Variants in ANKAR observed in about 807,000 individuals in gnomAD.
ANKAR encodes the protein ankyrin and armadillo repeat containing.
Under a neutral mutation model 146.2 loss-of-function variants are expected in ANKAR, and 136 were observed. That is an observed-to-expected ratio of 0.93 (90% CI 0.81 to 1.07). The LOEUF (loss-of-function observed/expected upper bound fraction) is 1.07, where lower values mean the gene tolerates loss of function less well. ANKAR is among the 50% of genes least tolerant of loss of function. The pLI, the probability that ANKAR is intolerant of heterozygous loss-of-function variation, is 0.00. For missense variants in ANKAR, 1,567 were observed against 1,679.9 expected, an observed-to-expected ratio of 0.93 and a Z score of 1.18; for synonymous variants, 500 against 575.8, an observed-to-expected ratio of 0.87 and a Z score of 1.88.
At chr2:189,717,958 G>A (rs933841157) in intron 10 of ANKAR, among the ~76,000 whole-genome samples, 2 of 151,970 alleles carry the variant, frequency 1.3e-5, no homozygotes, top group African/African-American at 4.8e-5. Flanking sequence ...GCAGGGGGAG[G>A]GACAGCATTA....
At chr2:189,689,994 A>G (rs1293533270) in intron 3 of ANKAR, 30 bp downstream of exon 3, 7 of 1,415,230 alleles carry the variant, frequency 4.9e-6, no homozygotes, top group Middle Eastern at 4.6e-4. Flanking sequence ...TCAAATATAA[A>G]ATATAGGTAT....
chr2:189,701,984 TCA>T (rs1413181299), intron 7 of ANKAR, among the ~76,000 whole-genome samples: 1 of 152,156 alleles, frequency 6.6e-6, no homozygotes, highest in African/African-American at 2.4e-5. Flanking sequence ...TGATTATATC[TCA>T]GTCTCTTGGT....
Position 189,692,313 on chromosome 2 carries a change from A to G in ANKAR, c.1098A>G (p.Lys366=). ...CATTTATTTATGGAAGAGATTTTAA[A>G]TGCCAGAATTTTCACTACAAAGAGA... ...LPPFIYGRDF[K]CQNFHYKENQ... The change falls in exon 4 of 23, where the codon AAA becomes AAG. Residue 366 remains lysine (K), a synonymous_variant. Transcript: ENST00000684021. 6.2e-7 allele frequency: 1 copy of G among 1,613,646 alleles called. No individual in the cohort carries two copies. Among genetic ancestry groups the G allele is most frequent in the African/African-American group, 1.3e-5 (1 of 75,036 alleles).
chr2:189,697,554 A>C (rs1344955714), intron 7 of ANKAR, among the ~76,000 whole-genome samples: 1 of 152,182 alleles, frequency 6.6e-6, no homozygotes, highest in East Asian at 1.9e-4. Context: ...TTTGATATTC[A>C]GATTCTTCTG....
chr2:189,723,567 T>C (rs929935446), intron 12 of ANKAR, among the ~76,000 whole-genome samples: 11 of 152,140 alleles, frequency 7.2e-5, no homozygotes, highest in Non-Finnish European at 1.5e-4. Flanking sequence ...TCTGCAGAAA[T>C]TGATTTTCTC....
chr2:189,689,539 T>A lies in ANKAR; in HGVS notation c.614T>A (p.Ile205Asn), dbSNP rs769330346. 1 of 1,576,404 alleles carries A rather than the reference T, an allele frequency of 6.3e-7. No individual in the cohort carries two copies. Among genetic ancestry groups the A allele is most frequent in the Non-Finnish European group, 8.6e-7 (1 of 1,165,374 alleles). Residue 205 changes from isoleucine (I) to asparagine (N), a missense_variant, in exon 3 of 23, where the codon ATT becomes AAT. Transcript: ENST00000684021. ...SEFSSAGLTD[I>N]TKDPDFNEIY... ...TTTTATCATGAAGGTTTGACTGATA[T>A]TACAAAGGATCCAGACTTTAATGAA...
intron 16 of ANKAR, among the ~76,000 whole-genome samples, chr2:189,732,821 C>G (rs1313789722): frequency 6.6e-6 from 1 of 151,952 alleles, no homozygotes; most frequent in African/African-American, 2.4e-5. Flanking sequence ...TAGGATAATA[C>G]CTCCTTACAT....
rs777201322 is a variant in ANKAR, at chr2:189,696,236, A to C, written c.1575A>C (p.Thr525=). The C allele has an allele frequency of 3.1e-6, 5 of 1,614,152 alleles. No individual in the cohort carries two copies. In the South Asian group the frequency reaches 5.5e-5, roughly 18 times the overall value. ...TTAGCCGTAAAACCTCAAGCTCAAC[A>C]ATCAATGTTTCAGATGAAGCAGGTT... ...HTFSRKTSSS[T]INVSDEAGYT... is the part of the protein sequence containing the mutation. Residue 525 remains threonine (T), a synonymous_variant, in exon 7 of 23, where the codon ACA becomes ACC. Coordinates refer to ENST00000684021, the MANE Select transcript of ANKAR (RefSeq NM_001378068.1).
At chr2:189,729,455 T>C (rs1185773690) in intron 15 of ANKAR, among the ~76,000 whole-genome samples, 1 of 152,198 alleles carries the variant, frequency 6.6e-6, no homozygotes, top group Non-Finnish European at 1.5e-5. Context: ...GAATTGATTC[T>C]CACATTTTTT....
chr2:189,713,211 G>T (rs942081170), intron 10 of ANKAR, among the ~76,000 whole-genome samples: 5 of 152,122 alleles, frequency 3.3e-5, no homozygotes, highest in African/African-American at 1.2e-4. Flanking sequence ...TATTATCCAG[G>T]AGAACTTCCC....
intron 2 of ANKAR, among the ~76,000 whole-genome samples, chr2:189,681,947 A>G (rs1263709214): frequency 2.0e-5 from 3 of 152,258 alleles, no homozygotes; most frequent in Non-Finnish European, 2.9e-5. Context: ...ACTGTAGTAC[A>G]GAACACCCTT....
chr2:189,755,451 C>T (rs1426780037), intron 18 of ANKAR: 1 of 1,606,366 alleles, frequency 6.2e-7, no homozygotes, highest in Admixed American at 1.8e-5. Flanking sequence ...GTTGCAATTG[C>T]TGAGAGGTCA....
In ANKAR at chr2:189,678,733, A is replaced by G. The variant is rs532354993; in HGVS notation, c.601+1642A>G. Among the ~76,000 whole-genome samples the G allele has an allele frequency of 7.9e-5, 12 of 152,298 alleles. No individual in the cohort carries two copies. In the South Asian group the frequency reaches 8.3e-4, roughly 11 times the overall value. On this transcript the variant is annotated intron_variant, in intron 2 of 22. Transcript: ENST00000684021. ...TTGCTTTGTCAAAGATCAGTTGCCC[A>G]TAAGTACTTGGTTTTATTTCCGCGT... is the stretch of plus-strand genomic sequence containing the variant.
At chr2:189,736,062 A>C (rs902229235) in intron 17 of ANKAR, among the ~76,000 whole-genome samples, 1 of 152,212 alleles carries the variant, frequency 6.6e-6, no homozygotes, top group African/African-American at 2.4e-5. Flanking sequence ...AAAAGTATGG[A>C]AACACATGTC....
At chr2:189,755,223 G>A (rs201374425) in intron 18 of ANKAR, 10 of 1,612,056 alleles carry the variant, frequency 6.2e-6, no homozygotes, top group Admixed American at 1.7e-5. Context: ...CCAAGAAGCA[G>A]AAAATCTGAA....
chr2:189,760,674 C>G (rs946385613), intron 18 of ANKAR, among the ~76,000 whole-genome samples: 1 of 148,310 alleles, frequency 6.7e-6, no homozygotes, highest in Non-Finnish European at 1.5e-5. Context: ...GCCTGTAATC[C>G]CAGCTACTTG....
At chr2:189,755,147 G>A in intron 18 of ANKAR, 1 of 1,589,542 alleles carries the variant, frequency 6.3e-7, no homozygotes, top group Non-Finnish European at 8.5e-7. Context: ...TAACAAAAAA[G>A]AATGGAGAAA....
Position 189,746,385 on chromosome 2 carries a change from G to C in ANKAR, c.4063G>C (p.Glu1355Gln). 2.5e-6 allele frequency: 4 copies of C among 1,603,608 alleles called. No individual in the cohort carries two copies. Among genetic ancestry groups the C allele is most frequent in the Non-Finnish European group, 3.4e-6 (4 of 1,177,044 alleles). ...SIIPIFKRGK[E>Q]HRRKLKPKIQ... ...TAATTGTGGCTAATTTTTAGGGAAG[G>C]AGCACCGAAGAAAATTAAAACCTAA... Residue 1355 changes from glutamate to glutamine, a missense_variant, in exon 23 of 23, where the codon GAG (glutamate) becomes CAG (glutamine). Physicochemically the swap from Glu to Gln is conservative, Grantham distance 29. Coordinates refer to ENST00000684021, the MANE Select transcript of ANKAR (RefSeq NM_001378068.1).
chr2:189,710,434 C>A (rs1217997940), intron 9 of ANKAR, among the ~76,000 whole-genome samples: 1 of 151,952 alleles, frequency 6.6e-6, no homozygotes, highest in African/African-American at 2.4e-5. Context: ...TAATTTTAGC[C>A]GAGGGAGTTG....
Sources: gnomAD v4.1 joint callset for allele counts (sites outside exome capture counted in the v4.1 genomes callset) on GRCh38, gnomAD v4.1.1 for gene constraint, MANE v1.5 for transcripts, NCBI Gene and HGNC (gene_info 2026-07-23, HGNC 2026-07-21) for gene names.